CELF2: variants seen among roughly 807,000 people sequenced by gnomAD.
The protein encoded by CELF2 is CUG triplet repeat RNA-binding protein 2.
In CELF2, 8 loss-of-function variants were observed where a neutral mutation model predicts 62.6. The ratio of observed to expected loss-of-function variants is 0.13; its 90% CI spans 0.07 to 0.23. The LOEUF is 0.23. Ranked by LOEUF, CELF2 falls within the 10% of genes least tolerant of loss-of-function variation. CELF2 has a pLI of 1.00. For missense variants in CELF2, 333 were observed against 671.0 expected (o/e 0.50, Z 5.56); for synonymous variants, 258 against 250.0 (o/e 1.03, Z -0.30).
At chr10:10,488,985 G>A in the CELF2 span, among the ~76,000 whole-genome samples, 4 of 152,002 alleles carry the variant, frequency 2.6e-5, no homozygotes, top group African/African-American at 9.7e-5. Context: ...GGTGATAGTG[G>A]CCAGCTTAAT....
intron 2 of CELF2, among the ~76,000 whole-genome samples, chr10:10,980,790 T>C (rs924035873): frequency 2.6e-5 from 4 of 152,190 alleles, no homozygotes; most frequent in Admixed American, 1.3e-4. Flanking sequence ...TTTTATTCTT[T>C]CTTTTTTTCC....
chr10:10,827,168 T>C (rs537023276), intron 1 of CELF2, among the ~76,000 whole-genome samples: 4 of 152,316 alleles, frequency 2.6e-5, no homozygotes, highest in African/African-American at 9.6e-5. Context: ...TTGACCCAGA[T>C]CCCTGGGGTA....
At chr10:10,967,853 G>A (rs1274494421) in intron 2 of CELF2, among the ~76,000 whole-genome samples, 1 of 152,084 alleles carries the variant, frequency 6.6e-6, no homozygotes, top group Non-Finnish European at 1.5e-5. Context: ...AGTGTCTTGG[G>A]ACAAATGTAA....
At chr10:10,920,495 A>G (rs919992213) in intron 2 of CELF2, among the ~76,000 whole-genome samples, 6 of 152,192 alleles carry the variant, frequency 3.9e-5, no homozygotes, top group African/African-American at 1.4e-4. Context: ...CATCAAAATA[A>G]ATACTTAGTA....
At chr10:10,950,562 G>A (rs752390673) in intron 2 of CELF2, among the ~76,000 whole-genome samples, 1 of 152,062 alleles carries the variant, frequency 6.6e-6, no homozygotes, top group Non-Finnish European at 1.5e-5. Flanking sequence ...CCTCACTCAG[G>A]GACATATAGA....
At chr10:10,606,911 C>A in the CELF2 span, among the ~76,000 whole-genome samples, 2 of 152,154 alleles carry the variant, frequency 1.3e-5, no homozygotes, top group Non-Finnish European at 2.9e-5. Flanking sequence ...TAAGAACTAA[C>A]TGTGTACCCT....
chr10:10,562,571 G>A, the CELF2 span, among the ~76,000 whole-genome samples: 3 of 152,176 alleles, frequency 2.0e-5, no homozygotes, highest in African/African-American at 4.8e-5. Context: ...GCTCCGGAGC[G>A]TTCATGCTGT....
chr10:10,642,900 C>T, the CELF2 span, among the ~76,000 whole-genome samples: 6 of 152,330 alleles, frequency 3.9e-5, no homozygotes, highest in South Asian at 2.1e-4. Context: ...CATCTGACCC[C>T]GGTGTTGCCA....
At chr10:10,549,143 G>A in the CELF2 span, among the ~76,000 whole-genome samples, 6 of 152,196 alleles carry the variant, frequency 3.9e-5, no homozygotes, top group Admixed American at 3.9e-4. Flanking sequence ...TAGAGAAGAT[G>A]TCTTTGTGGT....
chr10:10,761,099 C>A, the CELF2 span, among the ~76,000 whole-genome samples: 268 of 150,026 alleles, frequency 1.8e-3, 1 homozygote, highest in Admixed American at 2.8e-3. Flanking sequence ...TCAACAATTC[C>A]AAAAAAAAAT....
rs74115449 is a variant in CELF2, at chr10:10,898,329, G to A, written c.54-21635G>A. Among the ~76,000 whole-genome samples the A allele has an allele frequency of 9.9e-3, 1,503 of 152,294 alleles. 22 individuals are homozygous for A. Among genetic ancestry groups the A allele is most frequent in the African/African-American group, 0.034 (1,418 of 41,540 alleles). ...ATGCTCTTCAGAGGGAGCATGCATA[G>A]GCCAATACCTTGATTTTGGACTTCT... On this transcript the variant is annotated intron_variant, in intron 1 of 13. Coordinates refer to the CELF2 transcript ENST00000636488.
At chr10:10,675,067 T>C in the CELF2 span, among the ~76,000 whole-genome samples, 1 of 152,244 alleles carries the variant, frequency 6.6e-6, no homozygotes, top group Non-Finnish European at 1.5e-5. Flanking sequence ...TTTTACCTTT[T>C]TCTTTTTTGA....
At position 11,269,567 on chromosome 10, in the gene CELF2, T is replaced by A. The variant is rs1262262740; in HGVS notation, c.619-1099T>A. On this transcript the variant is annotated intron_variant, in intron 6 of 12. Transcript: ENST00000633077. This position sits in a 1 kb window ranked among gnomAD's most constrained non-coding sequence, Gnocchi z 4.4. Reference sequence around the variant, plus strand: ...GTTTCAATAAAAGTTTTTATTTTAATCACTTGGGTAGAATTACTTCTTTAT... The same window carrying A: ...GTTTCAATAAAAGTTTTTATTTTAAACACTTGGGTAGAATTACTTCTTTAT... 6.6e-6 allele frequency among the ~76,000 whole-genome samples: 1 copy of A among 152,240 alleles called. No individual in the cohort carries two copies. Among genetic ancestry groups the A allele is most frequent in the Non-Finnish European group, 1.5e-5 (1 of 68,050 alleles).
rs145199329 is a variant in CELF2, at chr10:11,211,533, A to G, written c.272-5892A>G. Among the ~76,000 whole-genome samples, 1,294 of 152,266 alleles carry G rather than the reference A, an allele frequency of 8.5e-3. 14 individuals carry two copies. Among genetic ancestry groups the G allele is most frequent in the African/African-American group, 0.029 (1,212 of 41,540 alleles). On this transcript the variant is annotated intron_variant, in intron 2 of 12. Transcript: ENST00000633077. The surrounding 1 kb of genome is among the most constrained non-coding windows in gnomAD (Gnocchi z 4.8). ...GTTATTGCTCTTTGATTCACAGCAAACCGTGATATAAACTGGTTATCTTTA... is the reference window on the plus strand; with the variant it reads ...GTTATTGCTCTTTGATTCACAGCAAGCCGTGATATAAACTGGTTATCTTTA...
intron 9 of CELF2, among the ~76,000 whole-genome samples, chr10:11,310,592 G>A (rs186475843): frequency 1.3e-5 from 2 of 152,110 alleles, no homozygotes; most frequent in East Asian, 3.9e-4. Context: ...CTTCCCTGGT[G>A]TACCCTAAAA....
chr10:11,186,296 C>CTTTTTTTT (rs57327671), intron 2 of CELF2, among the ~76,000 whole-genome samples: 75 of 115,446 alleles, frequency 6.5e-4, no homozygotes, highest in East Asian at 2.1e-3. Flanking sequence ...GGTTTTGTTG[C>CTTTTTTTT]TTTTTTTTTT....
At chr10:10,624,208 CAG>C in the CELF2 span, among the ~76,000 whole-genome samples, 14 of 152,232 alleles carry the variant, frequency 9.2e-5, no homozygotes, top group Non-Finnish European at 1.9e-4. Context: ...GCTTTAGTGA[CAG>C]TTGACATGGA....
At chr10:11,058,004 A>C (rs2065730288) in intron 1 of CELF2, among the ~76,000 whole-genome samples, 1 of 152,166 alleles carries the variant, frequency 6.6e-6, no homozygotes, top group Non-Finnish European at 1.5e-5. Flanking sequence ...CCTGAAAAGA[A>C]AAAAGAGGCT....
the CELF2 span, among the ~76,000 whole-genome samples, chr10:10,721,131 A>G: frequency 6.6e-6 from 1 of 152,228 alleles, no homozygotes; most frequent in African/African-American, 2.4e-5. Context: ...TTAAAAGCAT[A>G]TCTTATTTTA....
Sources: gnomAD v4.1 joint callset for allele counts (sites outside exome capture counted in the v4.1 genomes callset) on GRCh38, gnomAD v4.1.1 for gene constraint, Gnocchi (gnomAD v3.1) non-coding constraint, MANE v1.5 for transcripts, NCBI Gene and HGNC (gene_info 2026-07-23, HGNC 2026-07-21) for gene names.